Variants in TBC1D1 observed in about 807,000 individuals in gnomAD.
The protein encoded by TBC1D1 is TBC1 (tre-2/USP6, BUB2, cdc16) domain family, member 1.
A neutral mutation model predicts 125.6 loss-of-function variants in TBC1D1; 89 were observed. The ratio of observed to expected loss-of-function variants is 0.71; its 90% CI spans 0.60 to 0.85. TBC1D1 has a LOEUF of 0.85. TBC1D1 is among the 40% of genes least tolerant of loss of function. The pLI is 0.00. For missense variants in TBC1D1, 1,377 were observed against 1,469.2 expected (o/e 0.94, Z 1.03); for synonymous variants, 565 against 564.1 (o/e 1.00, Z -0.02).
intron 2 of TBC1D1, among the ~76,000 whole-genome samples, chr4:37,990,274 T>C (rs1246328459): frequency 3.3e-5 from 5 of 152,114 alleles, no homozygotes; most frequent in African/African-American, 1.2e-4. Flanking sequence ...AGGATGGTTT[T>C]GAATGTGGCC....
intron 13 of TBC1D1, among the ~76,000 whole-genome samples, chr4:38,091,225 T>G (rs1758370331): frequency 6.6e-6 from 1 of 152,200 alleles, no homozygotes; most frequent in Admixed American, 6.5e-5. Context: ...GAATAAGACC[T>G]TTCGACATGA....
At chr4:38,075,003 C>T (rs1260839419) in intron 12 of TBC1D1, among the ~76,000 whole-genome samples, 1 of 152,148 alleles carries the variant, frequency 6.6e-6, no homozygotes, top group African/African-American at 2.4e-5. Flanking sequence ...TCGTCATCCG[C>T]CTGCCTTGGT....
chr4:38,040,433 C>T (rs1020284328), intron 8 of TBC1D1, among the ~76,000 whole-genome samples: 8 of 152,166 alleles, frequency 5.3e-5, no homozygotes, highest in African/African-American at 1.7e-4. Flanking sequence ...GGACTATAGG[C>T]GTGCGCCACC....
At chr4:37,950,047 G>T (rs145486503) in intron 2 of TBC1D1, among the ~76,000 whole-genome samples, 32 of 151,678 alleles carry the variant, frequency 2.1e-4, no homozygotes, top group African/African-American at 7.7e-4. Context: ...TGCTTCCTGG[G>T]GTCTCCAACC....
intron 2 of TBC1D1, chr4:37,952,343 G>C (rs1453840374): frequency 1.6e-5 from 7 of 450,868 alleles, no homozygotes; most frequent in Non-Finnish European, 2.9e-5. Flanking sequence ...ATCACTGATG[G>C]AATATAAATT....
chr4:38,028,575 A>T lies in TBC1D1; in HGVS notation c.1302+696A>T, dbSNP rs1264695415. Among the ~76,000 whole-genome samples the T allele has an allele frequency of 2.0e-5, 3 of 152,256 alleles. No individual in the cohort carries two copies. The East Asian group carries it at 5.8e-4, about 29-fold the overall frequency. On this transcript the variant is annotated intron_variant, in intron 7 of 19. Transcript: ENST00000261439. ...GGCTTAAGCTTTCACAGTCTCATAGAGTGTCCAGGTCAGAATTGCAGATTC... is the reference window on the plus strand; with the variant it reads ...GGCTTAAGCTTTCACAGTCTCATAGTGTGTCCAGGTCAGAATTGCAGATTC...
chr4:37,904,569 C>T (rs1716895418), intron 2 of TBC1D1, among the ~76,000 whole-genome samples: 2 of 152,310 alleles, frequency 1.3e-5, no homozygotes, highest in East Asian at 1.9e-4. Flanking sequence ...CATTCGGATG[C>T]CTGACAAGAG....
Position 37,977,589 on chromosome 4 carries a change from C to T in TBC1D1, c.418-36920C>T, listed in dbSNP as rs1237689930. 9.7e-6 allele frequency: 5 copies of T among 517,490 alleles called. No individual in the cohort carries two copies. Among genetic ancestry groups the T allele is most frequent in the Admixed American group, 6.4e-5 (1 of 15,706 alleles). 32.1% of individuals were successfully genotyped at this position (517,490 alleles called of 1,614,324 possible). Reference sequence around the variant, plus strand: ...CGGAGCGGCAGGCGCGGGGCTGGAACATTTGTAACCTTCGGGCCGGGGCTG... The same window carrying T: ...CGGAGCGGCAGGCGCGGGGCTGGAATATTTGTAACCTTCGGGCCGGGGCTG... On this transcript the variant is annotated intron_variant, in intron 2 of 19. Coordinates refer to ENST00000261439, the MANE Select transcript of TBC1D1 (RefSeq NM_015173.4). The surrounding 1 kb of genome is among the most constrained non-coding windows in gnomAD (Gnocchi z 4.3).
In TBC1D1 at chr4:38,083,932, G is replaced by GCCT. The variant is rs1757018460; in HGVS notation, c.2051-6000_2051-5999insCCT. ...TATTTCTTTATACCAAATGAATGTT[G>GCCT]TCTTTTTTTTTTTTTTTTTTCTTGA... On this transcript the variant is annotated intron_variant, in intron 12 of 19. Transcript: ENST00000261439. 5.4e-4 allele frequency among the ~76,000 whole-genome samples: 70 copies of GCCT among 129,252 alleles called. 1 individual carries two copies. In the South Asian group the frequency reaches 0.017, roughly 31 times the overall value. 84.8% of individuals were successfully genotyped at this position (129,252 alleles called of 152,430 possible).
intron 2 of TBC1D1, among the ~76,000 whole-genome samples, chr4:37,931,081 T>G (rs1448660873): frequency 1.4e-5 from 2 of 141,144 alleles, no homozygotes; most frequent in Non-Finnish European, 3.1e-5. Context: ...TGTTTTGGGT[T>G]TTTTGGTTTT....
chr4:37,894,309 A>G (rs1318651513), intron 1 of TBC1D1, among the ~76,000 whole-genome samples: 1 of 152,160 alleles, frequency 6.6e-6, no homozygotes, highest in Non-Finnish European at 1.5e-5. Flanking sequence ...TTCTAAGCCA[A>G]AAGTTCCATT....
chr4:38,049,884 G>A lies in TBC1D1; in HGVS notation c.1896G>A (p.Thr632=), dbSNP rs747546994. 15 of 1,608,628 alleles carry A rather than the reference G, an allele frequency of 9.3e-6. No individual in the cohort carries two copies. The highest frequency in any genetic ancestry group is 4.0e-5 in the African/African-American group (3 of 74,518). Residue 632 remains threonine, a synonymous_variant, in exon 11 of 20, where the codon ACG becomes ACA. Coordinates refer to ENST00000261439, the MANE Select transcript of TBC1D1 (RefSeq NM_015173.4). ...GGTATCACTCAGTGAGCACAGAGACGCCTCATGAACGAAAGTAAGATTTGT... is the reference window on the plus strand; with the variant it reads ...GGTATCACTCAGTGAGCACAGAGACACCTCATGAACGAAAGTAAGATTTGT...
intron 17 of TBC1D1, among the ~76,000 whole-genome samples, chr4:38,122,252 T>C (rs1411518649): frequency 6.6e-6 from 1 of 152,324 alleles, no homozygotes; most frequent in South Asian, 2.1e-4. Context: ...CTCATTAACA[T>C]CATCTCCTTA....
At chr4:37,941,940 C>A (rs1489929804) in intron 2 of TBC1D1, among the ~76,000 whole-genome samples, 2 of 152,194 alleles carry the variant, frequency 1.3e-5, no homozygotes, top group Non-Finnish European at 2.9e-5. Flanking sequence ...TGCTTTACTT[C>A]CAACTATGTG....
intron 2 of TBC1D1, among the ~76,000 whole-genome samples, chr4:37,989,174 T>C (rs1324429912): frequency 6.6e-6 from 1 of 152,214 alleles, no homozygotes; most frequent in African/African-American, 2.4e-5. Flanking sequence ...TTAGGTCTGA[T>C]AAGATCTCTG....
At position 37,921,378 on chromosome 4, in the gene TBC1D1, T is replaced by C. The variant is rs1026383767; in HGVS notation, c.417+18866T>C. Among the ~76,000 whole-genome samples the C allele has an allele frequency of 6.0e-5, 9 of 149,772 alleles. No individual in the cohort carries two copies. In the East Asian group the frequency reaches 1.6e-3, roughly 26 times the overall value. On this transcript the variant is annotated intron_variant, in intron 2 of 19. Coordinates refer to ENST00000261439, the MANE Select transcript of TBC1D1 (RefSeq NM_015173.4). ...ATATATGTTTTATATGTATATTATA[T>C]ACATAATACATATATATACAAAATA...
intron 12 of TBC1D1, among the ~76,000 whole-genome samples, chr4:38,061,206 G>C (rs1752678126): frequency 6.6e-6 from 1 of 152,126 alleles, no homozygotes; most frequent in Non-Finnish European, 1.5e-5. Context: ...AGGGAGGCAA[G>C]GCCTTATCTC....
At chr4:37,920,108 G>A (rs1720629715) in intron 2 of TBC1D1, among the ~76,000 whole-genome samples, 3 of 152,160 alleles carry the variant, frequency 2.0e-5, no homozygotes, top group South Asian at 4.1e-4. Context: ...GTGAGACTCC[G>A]TCTCAAAACA....
rs1423168331 is a variant in TBC1D1, at chr4:37,939,111, A to G, written c.417+36599A>G. ...TTGAGGAATTGCCACACTGTCTTCC[A>G]CAATGGTTGAACTAGTTTACAGTCC... On this transcript the variant is annotated intron_variant, in intron 2 of 19. Coordinates refer to ENST00000261439, the MANE Select transcript of TBC1D1 (RefSeq NM_015173.4). Among the ~76,000 whole-genome samples, 4 of 152,364 alleles carry G rather than the reference A, an allele frequency of 2.6e-5. No homozygotes were observed. In the East Asian group the frequency reaches 7.7e-4, roughly 29 times the overall value.
Sources: gnomAD v4.1 joint callset for allele counts (sites outside exome capture counted in the v4.1 genomes callset) on GRCh38, gnomAD v4.1.1 for gene constraint, Gnocchi (gnomAD v3.1) non-coding constraint, MANE v1.5 for transcripts, NCBI Gene and HGNC (gene_info 2026-07-23, HGNC 2026-07-21) for gene names.